Variants in PCDHGA6 observed in about 807,000 individuals in gnomAD.
PCDHGA6 encodes the protein protocadherin gamma subfamily A, 6, also known as protocadherin gamma-A6.
Under a neutral mutation model 60.6 loss-of-function variants are expected in PCDHGA6, and 41 were observed. The ratio of observed to expected loss-of-function variants is 0.68; its 90% CI spans 0.53 to 0.88. The LOEUF is 0.88. PCDHGA6 is among the 40% of genes least tolerant of loss of function. PCDHGA6 has a pLI of 0.00. For synonymous variants in PCDHGA6, 594 were observed against 524.4 expected, an observed-to-expected ratio of 1.13 and a Z score of -1.81; for missense variants, 1,312 against 1,203.0, an observed-to-expected ratio of 1.09 and a Z score of -1.34.
chr5:141,483,811 C>A (rs1252197546), intron 1 of PCDHGA6, among the ~76,000 whole-genome samples: 1 of 152,102 alleles, frequency 6.6e-6, no homozygotes, highest in Non-Finnish European at 1.5e-5. Flanking sequence ...CTTTTTTTGG[C>A]AGCCAGTGTA....
intron 1 of PCDHGA6, chr5:141,389,075 A>T: frequency 6.2e-7 from 1 of 1,614,066 alleles, no homozygotes; most frequent in Non-Finnish European, 8.5e-7. Context: ...CTTCTTCAAG[A>T]AACACGTATA....
chr5:141,457,944 C>A (rs761151349), intron 1 of PCDHGA6, among the ~76,000 whole-genome samples: 33 of 152,310 alleles, frequency 2.2e-4, no homozygotes, highest in Non-Finnish European at 4.6e-4. Context: ...ATTGGCTCTG[C>A]ATGTCAAGCT....
At chr5:141,413,639 G>T (rs893578830) in intron 1 of PCDHGA6, 1 of 1,613,736 alleles carries the variant, frequency 6.2e-7, no homozygotes, top group African/African-American at 1.3e-5. Flanking sequence ...GCGGGAATGC[G>T]TTTTCCTCTC....
rs768938171 is a variant in PCDHGA6 at position 141,487,276 on chromosome 5, C to T, written c.2425-7531C>T. ...TGGCTGTGTCCCTAGTGGCAATTTG[C>T]TTTGTCTCCTTTGGCTCATTCGTGG... On this transcript the variant is annotated intron_variant, in intron 1 of 3. Transcript: ENST00000517434. The surrounding 1 kb of genome is among the most constrained non-coding windows in gnomAD (Gnocchi z 5.0). The T allele has an allele frequency of 2.5e-6, 4 of 1,614,158 alleles. No homozygotes were observed. The East Asian group carries it at 8.9e-5, about 36-fold the overall frequency.
At chr5:141,419,279 G>C in intron 1 of PCDHGA6, 1 of 1,614,042 alleles carries the variant, frequency 6.2e-7, no homozygotes, top group South Asian at 1.1e-5. Flanking sequence ...CATAGCGCAA[G>C]TCAGTGCCTC....
At chr5:141,445,768 T>A (rs2098476928) in intron 1 of PCDHGA6, among the ~76,000 whole-genome samples, 1 of 152,074 alleles carries the variant, frequency 6.6e-6, no homozygotes, top group Admixed American at 6.6e-5. Context: ...CTCAAGCAAT[T>A]TAAAAGGGCT....
At chr5:141,404,232 G>GTCCAC (rs2094500642) in intron 1 of PCDHGA6, 1 of 1,613,696 alleles carries the variant, frequency 6.2e-7, no homozygotes, top group African/African-American at 1.3e-5. Flanking sequence ...GCAACAGACA[G>GTCCAC]AGGAACTCCG....
intron 2 of PCDHGA6, among the ~76,000 whole-genome samples, chr5:141,495,922 C>G (rs1263216717): frequency 6.6e-6 from 1 of 152,100 alleles, no homozygotes; most frequent in Non-Finnish European, 1.5e-5. Context: ...CTTTCTTTGT[C>G]TCTGTCTCTG....
At chr5:141,398,604 T>C (rs2093677345) in intron 1 of PCDHGA6, 1 of 1,613,930 alleles carries the variant, frequency 6.2e-7, no homozygotes, top group South Asian at 1.1e-5. Flanking sequence ...TAGCAGAAGA[T>C]GCAGATATTG....
Position 141,437,358 on chromosome 5 carries a change from T to C in PCDHGA6, c.2425-57449T>C, listed in dbSNP as rs115917828. ...CTTCACTGTTTTATAGTACCTAAAATTGGAATGTAATCAGTCAGAAGACAT... is the reference window on the plus strand; with the variant it reads ...CTTCACTGTTTTATAGTACCTAAAACTGGAATGTAATCAGTCAGAAGACAT... On this transcript the variant is annotated intron_variant, in intron 1 of 3. Coordinates refer to ENST00000517434, the MANE Select transcript of PCDHGA6 (RefSeq NM_018919.3). 4.6e-3 allele frequency among the ~76,000 whole-genome samples: 702 copies of C among 152,356 alleles called. 4 individuals carry two copies. Among genetic ancestry groups the C allele is most frequent in the African/African-American group, 0.015 (639 of 41,574 alleles).
intron 1 of PCDHGA6, chr5:141,422,764 G>A: frequency 1.2e-6 from 2 of 1,613,582 alleles, no homozygotes; most frequent in Non-Finnish European, 8.5e-7. Flanking sequence ...CTCCAACACT[G>A]GTGTTCTCTA....
chr5:141,442,119 C>T (rs563017984), intron 1 of PCDHGA6: 1 of 166,262 alleles, frequency 6.0e-6, no homozygotes, highest in African/African-American at 2.4e-5. Context: ...CCCCTCGTCG[C>T]CGACAGCCTG....
chr5:141,450,899 A>C (rs1045595271), intron 1 of PCDHGA6, among the ~76,000 whole-genome samples: 1 of 149,514 alleles, frequency 6.7e-6, no homozygotes, highest in Non-Finnish European at 1.5e-5. Context: ...ATATCGGCTC[A>C]CTGCAACCGC....
At position 141,447,890 on chromosome 5, in the gene PCDHGA6, A is replaced by AC. The variant is rs1252174829; in HGVS notation, c.2425-46917_2425-46916insC. On this transcript the variant is annotated intron_variant, in intron 1 of 3. Transcript: ENST00000517434. ...CATCTGAGGTCAGGAGTTCGAGACCAGCCTGGCCAACATGGTGAAACTCTG... is the reference window on the plus strand; with the variant it reads ...CATCTGAGGTCAGGAGTTCGAGACCACGCCTGGCCAACATGGTGAAACTCTG... 1.3e-5 allele frequency among the ~76,000 whole-genome samples: 2 copies of AC among 152,146 alleles called. 1 individual carries two copies. The highest frequency in any genetic ancestry group is 4.8e-5 in the African/African-American group (2 of 41,434).
intron 1 of PCDHGA6, chr5:141,400,205 C>CCACCACCA: frequency 6.2e-7 from 1 of 1,614,016 alleles, no homozygotes; most frequent in South Asian, 1.1e-5. Flanking sequence ...GTGGCCTTGG[C>CCACCACCA]CTTGATCTCA....
At chr5:141,499,397 T>A (rs1171838687) in intron 2 of PCDHGA6, among the ~76,000 whole-genome samples, 2 of 152,122 alleles carry the variant, frequency 1.3e-5, no homozygotes, top group African/African-American at 4.8e-5. Flanking sequence ...AAATAGTACA[T>A]GCTCATTATA....
intron 1 of PCDHGA6, chr5:141,410,447 C>G (rs760711107): frequency 1.2e-6 from 2 of 1,613,984 alleles, no homozygotes; most frequent in Non-Finnish European, 1.7e-6. Context: ...GGGGACTTTG[C>G]CTTATTCTTA....
intron 1 of PCDHGA6, chr5:141,393,090 G>T: frequency 6.2e-7 from 1 of 1,613,626 alleles, no homozygotes; most frequent in South Asian, 1.1e-5. Flanking sequence ...GATAGATCGG[G>T]AGGAGCTCTG....
At chr5:141,419,359 G>C (rs1257423360) in intron 1 of PCDHGA6, 1 of 1,613,796 alleles carries the variant, frequency 6.2e-7, no homozygotes. Flanking sequence ...AGTCACGAAC[G>C]CTGTCGTCCT....
Sources: gnomAD v4.1 joint callset for allele counts (sites outside exome capture counted in the v4.1 genomes callset) on GRCh38, gnomAD v4.1.1 for gene constraint, Gnocchi (gnomAD v3.1) non-coding constraint, MANE v1.5 for transcripts, NCBI Gene and HGNC (gene_info 2026-07-23, HGNC 2026-07-21) for gene names.